SAMD12: variants seen among roughly 807,000 people sequenced by gnomAD.
The protein encoded by SAMD12 is sterile alpha motif domain containing 12, also known as sterile alpha motif domain-containing protein 12.
Under a neutral mutation model 15.0 loss-of-function variants are expected in SAMD12, and 9 were observed. That is an observed-to-expected ratio of 0.60 (90% CI 0.36 to 1.05). The LOEUF (loss-of-function observed/expected upper bound fraction) is 1.05. Ranked by LOEUF, SAMD12 falls within the 50% of genes least tolerant of loss-of-function variation. The probability of loss-of-function intolerance (pLI) is 0.01; values close to 1 mark genes in which losing one functional copy is unlikely to be tolerated. For synonymous variants in SAMD12, 86 were observed against 90.1 expected (o/e 0.96, Z 0.25); for missense variants, 230 against 234.2 (o/e 0.98, Z 0.12).
chr8:118,512,911 A>C (rs1825125944), intron 2 of SAMD12, among the ~76,000 whole-genome samples: 1 of 152,190 alleles, frequency 6.6e-6, no homozygotes, highest in South Asian at 2.1e-4. Context: ...TCTTCTGCAA[A>C]GCTCTTGCTT....
intron 3 of SAMD12, among the ~76,000 whole-genome samples, chr8:118,407,948 A>G (rs1373626625): frequency 1.3e-5 from 2 of 152,000 alleles, no homozygotes; most frequent in Non-Finnish European, 2.9e-5. Flanking sequence ...CCATAGCCAT[A>G]CTCTGGACTT....
chr8:118,591,077 A>G (rs538406780), intron 1 of SAMD12, among the ~76,000 whole-genome samples: 13 of 152,314 alleles, frequency 8.5e-5, no homozygotes, highest in African/African-American at 3.1e-4. Context: ...CACTTGGAGA[A>G]CAGAAATGTT....
chr8:118,356,522 G>C (rs1818233225), intron 4 of SAMD12, among the ~76,000 whole-genome samples: 1 of 152,144 alleles, frequency 6.6e-6, no homozygotes, highest in South Asian at 2.1e-4. Flanking sequence ...AGGATACTTT[G>C]AGCCTGCACT....
At chr8:118,514,867 T>C (rs7823190) in intron 2 of SAMD12, among the ~76,000 whole-genome samples, 105,870 of 152,128 alleles carry the variant, frequency 0.7, 38,180 homozygotes, top group African/African-American at 0.9. Flanking sequence ...TGTGTCCCTG[T>C]CCAAATCTCA....
intron 4 of SAMD12, among the ~76,000 whole-genome samples, chr8:118,307,867 A>C (rs1236999245): frequency 6.6e-6 from 1 of 152,156 alleles, no homozygotes; most frequent in East Asian, 1.9e-4. Context: ...TGCTGGGAGA[A>C]GACTGGAAAG....
At chr8:118,323,837 T>C (rs1322935789) in intron 4 of SAMD12, among the ~76,000 whole-genome samples, 2 of 152,040 alleles carry the variant, frequency 1.3e-5, no homozygotes, top group East Asian at 3.9e-4. Context: ...CAAAAAAAAA[T>C]CTGTACAACA....
chr8:118,581,020 T>A, intron 1 of SAMD12, 127 bp from the exon 2 acceptor site: 1 of 630,394 alleles, frequency 1.6e-6, no homozygotes, highest in East Asian at 2.8e-5. Flanking sequence ...GTGGTGTGAT[T>A]ACTACGATAA....
chr8:118,404,447 T>C (rs781699172), intron 3 of SAMD12, among the ~76,000 whole-genome samples: 2 of 152,226 alleles, frequency 1.3e-5, no homozygotes, highest in Non-Finnish European at 2.9e-5. Context: ...ACCCATATGC[T>C]AGACCATTTG....
chr8:118,406,305 G>C (rs1323201901), intron 3 of SAMD12, among the ~76,000 whole-genome samples: 1 of 151,320 alleles, frequency 6.6e-6, no homozygotes, highest in Non-Finnish European at 1.5e-5. Flanking sequence ...ATGCAGTCTT[G>C]CTCTGTCACC....
chr8:118,374,951 G>C (rs1819306139), downstream of SAMD12, among the ~76,000 whole-genome samples: 1 of 151,490 alleles, frequency 6.6e-6, no homozygotes, highest in Non-Finnish European at 1.5e-5. Context: ...TGTTTCCTTT[G>C]ATGTGTATCA....
chr8:118,600,569 C>T lies in SAMD12; in HGVS notation c.14-19676G>A, dbSNP rs552215830. 4.6e-5 allele frequency among the ~76,000 whole-genome samples: 7 copies of T among 152,296 alleles called. No individual in the cohort carries two copies. The South Asian group carries it at 6.2e-4, about 14-fold the overall frequency. Reference sequence around the variant, plus strand: ...TTTCTAATTCTGGCATCACTAGTGACTCTATTGCACTATATTCCCCTCTTC... The same window carrying T: ...TTTCTAATTCTGGCATCACTAGTGATTCTATTGCACTATATTCCCCTCTTC... On this transcript the variant is annotated intron_variant, in intron 1 of 3. Coordinates refer to ENST00000314727, the MANE Select transcript of SAMD12 (RefSeq NM_207506.3).
chr8:118,387,079 C>T (rs1820003269), intron 3 of SAMD12, among the ~76,000 whole-genome samples: 1 of 152,226 alleles, frequency 6.6e-6, no homozygotes, highest in Non-Finnish European at 1.5e-5. Flanking sequence ...ATGCCTGTTG[C>T]TCCATCCCAG....
chr8:118,508,717 A>T (rs976772871), intron 2 of SAMD12, among the ~76,000 whole-genome samples: 4 of 152,206 alleles, frequency 2.6e-5, no homozygotes, highest in African/African-American at 9.7e-5. Context: ...GCAAGAGCTG[A>T]ATCAACATGC....
Position 118,600,250 on chromosome 8 carries a change from T to C in SAMD12, c.14-19357A>G, listed in dbSNP as rs138611774. Among the ~76,000 whole-genome samples the C allele has an allele frequency of 3.3e-4, 50 of 151,502 alleles. 1 individual carries two copies. The highest frequency in any genetic ancestry group is 1.1e-3 in the African/African-American group (46 of 41,222). The stretch of plus-strand genomic sequence containing the variant: ...ATTTTTAAAAATGATACTGCCTCCA[T>C]ACACAATACATTTGAGAGGTTCAAA... On this transcript the variant is annotated intron_variant, in intron 1 of 3. Coordinates refer to ENST00000314727, the MANE Select transcript of SAMD12 (RefSeq NM_207506.3).
chr8:118,221,461 A>G (rs978776570), intron 4 of SAMD12, among the ~76,000 whole-genome samples: 1 of 152,152 alleles, frequency 6.6e-6, no homozygotes, highest in South Asian at 2.1e-4. Flanking sequence ...TTAAGCCAAG[A>G]TGTGGAAGAA....
intron 1 of SAMD12, among the ~76,000 whole-genome samples, chr8:118,607,120 G>A (rs576331234): frequency 7.9e-4 from 120 of 152,184 alleles, no homozygotes; most frequent in Non-Finnish European, 1.2e-3. Context: ...ACCCTACCTG[G>A]AATTAGTTAT....
chr8:118,396,587 T>C (rs770814533), intron 3 of SAMD12, among the ~76,000 whole-genome samples: 6 of 152,202 alleles, frequency 3.9e-5, no homozygotes, highest in Non-Finnish European at 8.8e-5. Flanking sequence ...GAGAATACTA[T>C]CATCCTCATT....
chr8:118,146,769 T>C, the SAMD12 span, among the ~76,000 whole-genome samples: 1 of 152,146 alleles, frequency 6.6e-6, no homozygotes, highest in Non-Finnish European at 1.5e-5. Context: ...GTTTTGAGTA[T>C]CACAATAGGG....
chr8:118,149,244 G>GCTAAT, the SAMD12 span, among the ~76,000 whole-genome samples: 2 of 152,172 alleles, frequency 1.3e-5, no homozygotes. Context: ...TGGGATTACA[G>GCTAAT]GCATGAGCCC....
Sources: allele counts gnomAD v4.1 joint callset (sites outside exome capture counted in the v4.1 genomes callset), GRCh38; gene constraint gnomAD v4.1.1; transcripts MANE v1.5; gene names NCBI Gene and HGNC (gene_info 2026-07-23, HGNC 2026-07-21).